The following KIF26B variants were observed in gnomAD, a reference collection of about 807,000 sequenced individuals.
The protein encoded by KIF26B is kinesin-like protein KIF26B.
KIF26B carries 63 observed loss-of-function variants against 151.2 expected under a neutral mutation model. The ratio of observed to expected loss-of-function variants is 0.42; its 90% CI spans 0.34 to 0.51. The LOEUF (loss-of-function observed/expected upper bound fraction) is 0.51, where lower values mean the gene tolerates loss of function less well. Ranked by LOEUF, KIF26B falls within the 20% of genes least tolerant of loss-of-function variation. KIF26B has a pLI of 0.07. For missense variants in KIF26B, 2,813 were observed against 2,913.6 expected (o/e 0.97, Z 0.79); for synonymous variants, 1,357 against 1,262.1 (o/e 1.08, Z -1.59).
At chr1:245,642,894 G>C (rs1162895101) in intron 9 of KIF26B, among the ~76,000 whole-genome samples, 1 of 152,198 alleles carries the variant, frequency 6.6e-6, no homozygotes, top group African/African-American at 2.4e-5. Flanking sequence ...TCTTGTATCA[G>C]AAGGCATGTC....
chr1:245,278,216 C>T (rs1670972781), intron 2 of KIF26B, among the ~76,000 whole-genome samples: 1 of 152,090 alleles, frequency 6.6e-6, no homozygotes, highest in Admixed American at 6.5e-5. Context: ...TTGAGGAGAA[C>T]AATTTACCTG....
At chr1:245,608,944 G>T (rs2043487550) in intron 7 of KIF26B, among the ~76,000 whole-genome samples, 1 of 152,028 alleles carries the variant, frequency 6.6e-6, no homozygotes, top group South Asian at 2.1e-4. Flanking sequence ...CATAGAGGCA[G>T]GGTCTCCGTA....
intron 9 of KIF26B, among the ~76,000 whole-genome samples, chr1:245,613,573 G>A (rs2043551603): frequency 6.6e-6 from 1 of 152,196 alleles, no homozygotes; most frequent in Admixed American, 6.5e-5. Context: ...ACTCCAGCCT[G>A]GGTGACAGAG....
Position 245,597,713 on chromosome 1 carries a change from C to G in KIF26B, c.1351-4864C>G, listed in dbSNP as rs1388328503. 6.6e-6 allele frequency among the ~76,000 whole-genome samples: 1 copy of G among 152,154 alleles called. No individual in the cohort carries two copies. Among genetic ancestry groups the G allele is most frequent in the Non-Finnish European group, 1.5e-5 (1 of 68,024 alleles). ...TGAGGAAATTCTCCTGGATAATATC[C>G]TGAAGAGTGGTTTCCAACTTGGTTC... On this transcript the variant is annotated intron_variant, in intron 5 of 14. Transcript: ENST00000407071. The surrounding 1 kb of genome is among the most constrained non-coding windows in gnomAD (Gnocchi z 4.6).
intron 2 of KIF26B, among the ~76,000 whole-genome samples, chr1:245,200,705 C>G (rs1669281882): frequency 6.6e-6 from 1 of 152,182 alleles, no homozygotes; most frequent in South Asian, 2.1e-4. Context: ...TTATTGTTAT[C>G]TCTTCCGGAG....
intron 3 of KIF26B, among the ~76,000 whole-genome samples, chr1:245,380,833 G>T (rs1572033479): frequency 6.6e-6 from 1 of 151,804 alleles, no homozygotes; most frequent in African/African-American, 2.4e-5. Flanking sequence ...TCCAAGCCAG[G>T]TTTCTCATCT....
chr1:245,320,234 G>A (rs1671862316), intron 2 of KIF26B, among the ~76,000 whole-genome samples: 1 of 152,176 alleles, frequency 6.6e-6, no homozygotes, highest in Non-Finnish European at 1.5e-5. Context: ...GCAGCAGGCA[G>A]GACCCCAGGA....
At chr1:245,315,945 A>G (rs1157799481) in intron 2 of KIF26B, among the ~76,000 whole-genome samples, 1 of 152,128 alleles carries the variant, frequency 6.6e-6, no homozygotes, top group African/African-American at 2.4e-5. Context: ...ATAAATTTCT[A>G]TTAAAGTACA....
chr1:245,271,396 T>C lies in KIF26B; in HGVS notation c.466-95438T>C, dbSNP rs116343312. 8.0e-3 allele frequency among the ~76,000 whole-genome samples: 1,215 copies of C among 152,286 alleles called. 11 individuals are homozygous for C. Among genetic ancestry groups the C allele is most frequent in the African/African-American group, 0.026 (1,093 of 41,574 alleles). On this transcript the variant is annotated intron_variant, in intron 2 of 14. Transcript: ENST00000407071. The stretch of plus-strand genomic sequence containing the variant: ...AGTCTTGTAATCCATGTACATAGGA[T>C]GTTGAATTTTCATATATGGACTTTA...
chr1:245,304,611 C>G (rs1250397066), intron 2 of KIF26B, among the ~76,000 whole-genome samples: 1 of 152,126 alleles, frequency 6.6e-6, no homozygotes, highest in Non-Finnish European at 1.5e-5. Flanking sequence ...TCAGATGTAG[C>G]CTAATACTGC....
chr1:245,539,796 G>GCC (rs1248629648), intron 4 of KIF26B, among the ~76,000 whole-genome samples: 2 of 152,110 alleles, frequency 1.3e-5, no homozygotes, highest in African/African-American at 4.8e-5. Flanking sequence ...GGGATTACAG[G>GCC]CATGCACCAC....
At chr1:245,419,889 G>A in intron 4 of KIF26B, 144 bp downstream of exon 4, 1 of 806,434 alleles carries the variant, frequency 1.2e-6, no homozygotes, top group South Asian at 1.8e-5. Flanking sequence ...CTCAGCCATG[G>A]CACTGTGACC....
intron 2 of KIF26B, among the ~76,000 whole-genome samples, chr1:245,277,496 C>T (rs1053658163): frequency 6.6e-6 from 1 of 152,184 alleles, no homozygotes; most frequent in Non-Finnish European, 1.5e-5. Context: ...GCCCTGTGGG[C>T]TGCTTTGTGG....
chr1:245,192,421 CTG>C (rs1669126367), intron 2 of KIF26B, among the ~76,000 whole-genome samples: 1 of 151,170 alleles, frequency 6.6e-6, no homozygotes, highest in South Asian at 2.1e-4. Flanking sequence ...CCCTAGTAAA[CTG>C]TGTTTCCTAA....
chr1:245,204,635 A>C (rs1046917390), intron 2 of KIF26B, among the ~76,000 whole-genome samples: 1 of 151,938 alleles, frequency 6.6e-6, no homozygotes, highest in Non-Finnish European at 1.5e-5. Context: ...TGGCCTCCTA[A>C]AGTGCTGGGA....
chr1:245,282,564 A>T (rs1322464216), intron 2 of KIF26B, among the ~76,000 whole-genome samples: 3 of 152,192 alleles, frequency 2.0e-5, no homozygotes, highest in Non-Finnish European at 4.4e-5. Flanking sequence ...GCATTTGCAT[A>T]TTAGAAGGCT....
At chr1:245,222,699 TGA>T (rs1669798626) in intron 2 of KIF26B, among the ~76,000 whole-genome samples, 1 of 152,200 alleles carries the variant, frequency 6.6e-6, no homozygotes, top group African/African-American at 2.4e-5. Context: ...TGTTGCATAT[TGA>T]GAGTGGATAA....
intron 2 of KIF26B, among the ~76,000 whole-genome samples, chr1:245,237,959 G>A (rs1220808815): frequency 1.3e-5 from 2 of 151,572 alleles, no homozygotes; most frequent in African/African-American, 2.4e-5. Context: ...CCCGGAGGTC[G>A]AGGCTGTGGT....
intron 2 of KIF26B, among the ~76,000 whole-genome samples, chr1:245,168,309 G>A (rs1039669536): frequency 2.0e-5 from 3 of 152,338 alleles, no homozygotes; most frequent in South Asian, 4.1e-4. Flanking sequence ...GGGAGGGACC[G>A]GAAGCCAAGC....
Sources: gnomAD v4.1 joint callset for allele counts (sites outside exome capture counted in the v4.1 genomes callset) on GRCh38, gnomAD v4.1.1 for gene constraint, Gnocchi (gnomAD v3.1) non-coding constraint, MANE v1.5 for transcripts, NCBI Gene and HGNC (gene_info 2026-07-23, HGNC 2026-07-21) for gene names.